The following FGF9 variants were observed in gnomAD, a reference collection of about 807,000 sequenced individuals.
FGF9 encodes fibroblast growth factor 9, also known as fibroblast growth factor 9 (glia-activating factor).
Under a neutral mutation model 19.9 loss-of-function variants are expected in FGF9, and 3 were observed. The ratio of observed to expected loss-of-function variants is 0.15; its 90% CI spans 0.07 to 0.39. FGF9 has a LOEUF of 0.39. Ranked by LOEUF, FGF9 falls within the 10% of genes least tolerant of loss-of-function variation. FGF9 has a pLI of 1.00. For missense variants in FGF9, 175 were observed against 256.8 expected (o/e 0.68, Z 2.18); for synonymous variants, 107 against 106.9 (o/e 1.00, Z -0.01).
At chr13:21,689,575 G>A (rs1872240646) in intron 2 of FGF9, among the ~76,000 whole-genome samples, 1 of 152,082 alleles carries the variant, frequency 6.6e-6, no homozygotes, top group Non-Finnish European at 1.5e-5. Flanking sequence ...TTGAGTATAA[G>A]GTTCCTTTTT....
intron 2 of FGF9, among the ~76,000 whole-genome samples, chr13:21,695,061 G>A (rs1872372307): frequency 6.6e-6 from 1 of 150,706 alleles, no homozygotes; most frequent in Non-Finnish European, 1.5e-5. Context: ...CAGCACTGAA[G>A]ATGTGTGCGT....
intron 1 of FGF9, among the ~76,000 whole-genome samples, chr13:21,673,368 C>G (rs962011998): frequency 2.6e-5 from 4 of 152,110 alleles, no homozygotes; most frequent in Non-Finnish European, 4.4e-5. Flanking sequence ...GTGAGGAGGA[C>G]TTAGGCCTGG....
Position 21,702,984 on chromosome 13 carries a change from A to G in FGF9, c.*1549A>G, listed in dbSNP as rs946375449. ...TTTATAACATTTTATGCTGAAAAGC[A>G]TAAGAATACGTATTTCTTTAGTAGC... On this transcript the variant is annotated 3_prime_UTR_variant, in exon 3 of 3. Transcript: ENST00000382353. 5.6e-4 allele frequency: 86 copies of G among 152,392 alleles called. No individual in the cohort carries two copies. The highest frequency in any genetic ancestry group is 2.0e-3 in the African/African-American group (84 of 41,600). The allele number at this position is 152,392 out of a possible 1,614,324, so 9.4% of individuals were successfully genotyped here. A position where few individuals can be genotyped will look rare whatever the true frequency, so the allele number is the denominator to read the frequency against.
At position 21,672,239 on chromosome 13, in the gene FGF9, T is replaced by C. The variant is rs537384478; in HGVS notation, c.277+50T>C. ...TGTCCATGAGATGACATGTTGAAAT[T>C]ATAACTACCAAGAAGGTGGTGGCCG... On this transcript the variant is annotated intron_variant, in intron 1 of 2. Coordinates refer to ENST00000382353, the MANE Select transcript of FGF9 (RefSeq NM_002010.3). The surrounding 1 kb of genome is among the most constrained non-coding windows in gnomAD (Gnocchi z 4.2). The C allele has an allele frequency of 6.2e-7, 1 of 1,607,412 alleles. No individual in the cohort carries two copies. The highest frequency in any genetic ancestry group is 2.2e-5 in the East Asian group (1 of 44,840).
intron 2 of FGF9, among the ~76,000 whole-genome samples, chr13:21,699,815 G>C (rs1872496551): frequency 6.6e-6 from 1 of 152,172 alleles, no homozygotes; most frequent in East Asian, 1.9e-4. Flanking sequence ...TAAGGCGCCA[G>C]GTAGGTAAGA....
chr13:21,684,707 T>C (rs574135185), intron 2 of FGF9, among the ~76,000 whole-genome samples: 1 of 152,354 alleles, frequency 6.6e-6, no homozygotes, highest in African/African-American at 2.4e-5. Flanking sequence ...TTCTGTAAGA[T>C]GAAGAGCTCG....
At position 21,701,657 on chromosome 13, in the gene FGF9, T is replaced by A; in HGVS notation, c.*222T>A. On this transcript the variant is annotated 3_prime_UTR_variant, in exon 3 of 3. Transcript: ENST00000382353. ...GGCTGCCTAGGGCCACTTGCTTGAT[T>A]TATCATGAGAGAAGAGGAGAGAGAG... is the stretch of plus-strand genomic sequence containing the variant. The A allele has an allele frequency of 3.6e-6, 2 of 557,782 alleles. No homozygotes were observed. Among genetic ancestry groups the A allele is most frequent in the Non-Finnish European group, 6.4e-6 (2 of 313,298 alleles). 34.6% of individuals were successfully genotyped at this position (557,782 alleles called of 1,614,324 possible).
chr13:21,693,858 G>A (rs1183542846), intron 2 of FGF9, among the ~76,000 whole-genome samples: 2 of 152,166 alleles, frequency 1.3e-5, no homozygotes, highest in African/African-American at 4.8e-5. Context: ...GCCGCCTTCT[G>A]GAAGCGTGAA....
chr13:21,675,924 CTT>C (rs58436546), intron 1 of FGF9, among the ~76,000 whole-genome samples: 636 of 137,518 alleles, frequency 4.6e-3, no homozygotes, highest in African/African-American at 0.016. Flanking sequence ...TTGAAGGAGC[CTT>C]TTTTTTTTTT....
At chr13:21,699,022 C>T (rs151054357) in intron 2 of FGF9, among the ~76,000 whole-genome samples, 237 of 152,302 alleles carry the variant, frequency 1.6e-3, no homozygotes, top group African/African-American at 5.5e-3. Flanking sequence ...CTAAAATAGC[C>T]ATTAATGTCT....
At chr13:21,693,927 C>A (rs1872348989) in intron 2 of FGF9, among the ~76,000 whole-genome samples, 1 of 152,204 alleles carries the variant, frequency 6.6e-6, no homozygotes, top group African/African-American at 2.4e-5. Context: ...GTTGATGCAG[C>A]CCGTTTCATT....
At chr13:21,685,046 G>A (rs1872127515) in intron 2 of FGF9, among the ~76,000 whole-genome samples, 1 of 152,180 alleles carries the variant, frequency 6.6e-6, no homozygotes, top group African/African-American at 2.4e-5. Flanking sequence ...AGAATGAGGA[G>A]TGACTAAAAT....
rs17070202 is a variant in FGF9 at position 21,681,014 on chromosome 13, T to C, written c.278-28T>C. The stretch of plus-strand genomic sequence containing the variant: ...AGGACATGCTCTGTGATCTGATCTG[T>C]CCTCTGCCTTCTACCCTTTGTCTAC... On this transcript the variant is annotated intron_variant, in intron 1 of 2. Coordinates refer to ENST00000382353, the MANE Select transcript of FGF9 (RefSeq NM_002010.3). 0.011 allele frequency: 17,091 copies of C among 1,525,864 alleles called. 1,382 individuals carry two copies. The African/African-American group carries it at 0.19, about 17-fold the overall frequency. 94.5% of individuals were successfully genotyped at this position (1,525,864 alleles called of 1,614,324 possible).
At chr13:21,698,621 T>A (rs147507885) in intron 2 of FGF9, among the ~76,000 whole-genome samples, 2 of 152,320 alleles carry the variant, frequency 1.3e-5, no homozygotes, top group Non-Finnish European at 2.9e-5. Flanking sequence ...TATCTTCTGC[T>A]GGGACTTTTG....
intron 1 of FGF9, among the ~76,000 whole-genome samples, chr13:21,680,139 A>T (rs912427251): frequency 1.3e-5 from 2 of 152,174 alleles, no homozygotes; most frequent in Non-Finnish European, 2.9e-5. Context: ...AAGTAAAATA[A>T]GATCATTGTG....
chr13:21,697,861 C>T (rs1209110518), intron 2 of FGF9, among the ~76,000 whole-genome samples: 3 of 150,052 alleles, frequency 2.0e-5, no homozygotes, highest in Non-Finnish European at 4.4e-5. Flanking sequence ...GGCTGGAGTG[C>T]AGTGGCACGG....
At chr13:21,693,405 A>G (rs1872336997) in intron 2 of FGF9, among the ~76,000 whole-genome samples, 1 of 152,074 alleles carries the variant, frequency 6.6e-6, no homozygotes, top group Non-Finnish European at 1.5e-5. Context: ...GGACATGGGC[A>G]TCCGCTGTGG....
At chr13:21,690,141 T>G (rs1477135651) in intron 2 of FGF9, among the ~76,000 whole-genome samples, 1 of 152,152 alleles carries the variant, frequency 6.6e-6, no homozygotes, top group Non-Finnish European at 1.5e-5. Context: ...AGAATAGGGC[T>G]CAAATTGGAA....
chr13:21,676,021 G>C (rs1356482284), intron 1 of FGF9, among the ~76,000 whole-genome samples: 2 of 152,088 alleles, frequency 1.3e-5, no homozygotes, highest in Non-Finnish European at 2.9e-5. Context: ...AGTAGGCTGG[G>C]GGAGCGAGAT....
Sources: allele counts gnomAD v4.1 joint callset (sites outside exome capture counted in the v4.1 genomes callset), GRCh38; gene constraint gnomAD v4.1.1; non-coding constraint Gnocchi (gnomAD v3.1); transcripts MANE v1.5; gene names NCBI Gene and HGNC (gene_info 2026-07-23, HGNC 2026-07-21).